Variants in USP32 observed in about 807,000 individuals in gnomAD.
USP32 encodes the protein ubiquitin carboxyl-terminal hydrolase 32.
A neutral mutation model predicts 204.8 loss-of-function variants in USP32; 59 were observed. That is an observed-to-expected ratio of 0.29 (90% CI 0.23 to 0.36). The LOEUF is 0.36. Among genes scored for constraint, USP32 ranks in the 10% least tolerant of loss-of-function variants. The pLI is 1.00. For missense variants in USP32, 1,160 were observed against 1,946.4 expected (o/e 0.60, Z 7.60); for synonymous variants, 517 against 678.4 (o/e 0.76, Z 3.70).
chr17:60,274,184 AG>A (rs2086790740), intron 5 of USP32, among the ~76,000 whole-genome samples: 2 of 152,126 alleles, frequency 1.3e-5, no homozygotes, highest in Admixed American at 1.3e-4. Context: ...AATTCCCTAG[AG>A]GACTTAACAG....
At chr17:60,366,348 G>A (rs1304355834) in intron 1 of USP32, among the ~76,000 whole-genome samples, 4 of 152,070 alleles carry the variant, frequency 2.6e-5, no homozygotes, top group Non-Finnish European at 5.9e-5. Context: ...CAGTAGAGAC[G>A]GGGTTTCACT....
intron 21 of USP32, 60 bp from the exon 22 acceptor site, chr17:60,209,603 T>C: frequency 8.4e-7 from 1 of 1,197,596 alleles, no homozygotes; most frequent in Non-Finnish European, 1.2e-6. Context: ...GGAATGAACA[T>C]GTCCTATAAT....
intron 1 of USP32, 82 bp from the exon 2 acceptor site, chr17:60,345,690 G>A: frequency 6.3e-7 from 1 of 1,582,720 alleles, no homozygotes; most frequent in South Asian, 1.1e-5. Context: ...TGGCTCCTAA[G>A]AAAAATTGAG....
chr17:60,386,063 C>T (rs1438113224), intron 1 of USP32, among the ~76,000 whole-genome samples: 1 of 151,656 alleles, frequency 6.6e-6, no homozygotes, highest in Admixed American at 6.6e-5. Context: ...ACGGAAAGAA[C>T]AATAAAGGAA....
chr17:60,259,270 A>G (rs2086393561), intron 9 of USP32, among the ~76,000 whole-genome samples: 1 of 152,192 alleles, frequency 6.6e-6, no homozygotes, highest in African/African-American at 2.4e-5. Context: ...AATAAGAATC[A>G]TGGCCTTTTA....
intron 2 of USP32, among the ~76,000 whole-genome samples, chr17:60,332,958 A>AT (rs1185804913): frequency 1.3e-5 from 2 of 152,246 alleles, no homozygotes; most frequent in Admixed American, 6.5e-5. Flanking sequence ...ATCTTACTCT[A>AT]TGTATAGTAC....
intron 4 of USP32, 116 bp from the exon 5 acceptor site, chr17:60,288,798 G>T: frequency 1.2e-6 from 1 of 838,602 alleles, no homozygotes; most frequent in Admixed American, 2.8e-5. Flanking sequence ...GTCTACAAAG[G>T]AAGGATTATC....
chr17:60,278,096 G>A (rs536688308), intron 5 of USP32, among the ~76,000 whole-genome samples: 5 of 151,778 alleles, frequency 3.3e-5, no homozygotes, highest in Non-Finnish European at 7.4e-5. Flanking sequence ...TTGTAGAGAC[G>A]GGCCTTGCTG....
intron 2 of USP32, among the ~76,000 whole-genome samples, chr17:60,303,617 AACTATAG>A (rs2145897594): frequency 6.6e-6 from 1 of 152,296 alleles, no homozygotes; most frequent in South Asian, 2.1e-4. Context: ...AATTAAGCTA[AACTATAG>A]ACTATATTGA....
At chr17:60,325,239 C>A (rs1384935367) in intron 2 of USP32, among the ~76,000 whole-genome samples, 1 of 151,960 alleles carries the variant, frequency 6.6e-6, no homozygotes, top group South Asian at 2.1e-4. Flanking sequence ...CATGGTGAAA[C>A]CCTGTCTCTA....
chr17:60,293,896 G>C (rs1287803436), intron 4 of USP32, among the ~76,000 whole-genome samples: 1 of 152,110 alleles, frequency 6.6e-6, no homozygotes, highest in Non-Finnish European at 1.5e-5. Flanking sequence ...CTTCTAAAGG[G>C]ATTTTTACTC....
intron 1 of USP32, among the ~76,000 whole-genome samples, chr17:60,360,211 A>G (rs1432715856): frequency 2.0e-5 from 3 of 152,078 alleles, no homozygotes; most frequent in African/African-American, 7.2e-5. Flanking sequence ...ACAGTGGCTC[A>G]CACCTGTAAT....
chr17:60,420,587 A>C (rs2090103431), intron 1 of USP32, among the ~76,000 whole-genome samples: 1 of 152,224 alleles, frequency 6.6e-6, no homozygotes, highest in South Asian at 2.1e-4. Context: ...GAATGGCTTG[A>C]ACCCGAGAGG....
intron 5 of USP32, among the ~76,000 whole-genome samples, chr17:60,283,535 G>A (rs745374484): frequency 1.3e-5 from 2 of 152,124 alleles, no homozygotes; most frequent in Non-Finnish European, 2.9e-5. Flanking sequence ...AAAGATGCAA[G>A]AAATATGTCT....
intron 1 of USP32, among the ~76,000 whole-genome samples, chr17:60,364,501 T>A (rs1345214213): frequency 6.6e-6 from 1 of 152,182 alleles, no homozygotes; most frequent in Non-Finnish European, 1.5e-5. Flanking sequence ...TGCCTCAGCC[T>A]CCCAAGTAGC....
At chr17:60,381,525 A>C (rs1255067234) in intron 1 of USP32, among the ~76,000 whole-genome samples, 1 of 152,128 alleles carries the variant, frequency 6.6e-6, no homozygotes, top group Non-Finnish European at 1.5e-5. Context: ...TTCCAATAGA[A>C]TAATCTTTGA....
chr17:60,409,225 G>A (rs973587196), intron 1 of USP32, among the ~76,000 whole-genome samples: 51 of 152,196 alleles, frequency 3.4e-4, no homozygotes, highest in Non-Finnish European at 6.8e-4. Context: ...GCACATGCCT[G>A]TAATCCCCGC....
Position 60,334,911 on chromosome 17 carries a change from G to A in USP32, c.186+10570C>T, listed in dbSNP as rs367774619. 4.2e-5 allele frequency among the ~76,000 whole-genome samples: 6 copies of A among 142,266 alleles called. 1 individual carries two copies. Among genetic ancestry groups the A allele is most frequent in the East Asian group, 3.9e-4 (2 of 5,118 alleles). The allele number at this position is 142,266 out of a possible 152,430, so 93.3% of individuals were successfully genotyped here. A position where few individuals can be genotyped will look rare whatever the true frequency, so the allele number is the denominator to read the frequency against. On this transcript the variant is annotated intron_variant, in intron 2 of 33. Transcript: ENST00000300896. ...CCTGACCTCGTGATCCACCTGCCTC[G>A]GCCTCCCAAAGTGCTGGGATTACAG...
chr17:60,297,630 G>T (rs1047403519), intron 3 of USP32, among the ~76,000 whole-genome samples: 3 of 151,494 alleles, frequency 2.0e-5, no homozygotes, highest in African/African-American at 2.4e-5. Context: ...TAGTAGAGAC[G>T]GGGTTTCACC....
Sources: allele counts gnomAD v4.1 joint callset (sites outside exome capture counted in the v4.1 genomes callset), GRCh38; gene constraint gnomAD v4.1.1; transcripts MANE v1.5; gene names NCBI Gene and HGNC (gene_info 2026-07-23, HGNC 2026-07-21).